SPATA7: variants seen among roughly 807,000 people sequenced by gnomAD.
SPATA7 encodes spermatogenesis associated 7, also known as spermatogenesis-associated protein 7.
A neutral mutation model predicts 51.8 loss-of-function variants in SPATA7; 43 were observed. The observed-to-expected ratio is 0.83, with a 90% confidence interval of 0.65 to 1.07. The LOEUF (loss-of-function observed/expected upper bound fraction) is 1.07, where lower values mean the gene tolerates loss of function less well. Among genes scored for constraint, SPATA7 ranks in the 50% least tolerant of loss-of-function variants. The probability of loss-of-function intolerance (pLI) is 0.00; values close to 1 mark genes in which losing one functional copy is unlikely to be tolerated. For missense variants in SPATA7, 683 were observed against 701.3 expected (o/e 0.97, Z 0.30); for synonymous variants, 230 against 252.8 (o/e 0.91, Z 0.86).
chr14:88,456,849 C>T (rs528642172), downstream of SPATA7, among the ~76,000 whole-genome samples: 165 of 152,084 alleles, frequency 1.1e-3, no homozygotes, highest in Middle Eastern at 6.8e-3. Flanking sequence ...AGGGTTTTTA[C>T]GGTTTTAGGT....
At chr14:88,405,240 G>A (rs747553612) in intron 4 of SPATA7, among the ~76,000 whole-genome samples, 1 of 152,200 alleles carries the variant, frequency 6.6e-6, no homozygotes, top group Non-Finnish European at 1.5e-5. Flanking sequence ...AGTAATAGAT[G>A]AAGTCACTGA....
chr14:88,395,168 A>G (rs1043096577), intron 3 of SPATA7, among the ~76,000 whole-genome samples: 1 of 152,056 alleles, frequency 6.6e-6, no homozygotes, highest in African/African-American at 2.4e-5. Context: ...CTGCTCTTCC[A>G]CTAATGTTAA....
At chr14:88,449,744 A>G (rs2077238574) in intron 3 of SPATA7, among the ~76,000 whole-genome samples, 1 of 151,982 alleles carries the variant, frequency 6.6e-6, no homozygotes, top group South Asian at 2.1e-4. Context: ...ATTGTTTTGT[A>G]AATTTGGGAG....
At chr14:88,431,367 C>T in intron 9 of SPATA7, 142 bp downstream of exon 9, 2 of 803,860 alleles carry the variant, frequency 2.5e-6, no homozygotes, top group Non-Finnish European at 4.3e-6. Flanking sequence ...TCATGGAGTA[C>T]CTAGTGATAT....
Position 88,426,699 on chromosome 14 carries a change from A to G in SPATA7, c.840A>G (p.Glu280=). The change falls in exon 6 of 12, where the codon GAA becomes GAG. Residue 280 remains glutamate, a synonymous_variant. Coordinates refer to ENST00000393545, the MANE Select transcript of SPATA7 (RefSeq NM_018418.5). Reference sequence around the variant, plus strand: ...GGATAGAAGCTGAAACCCAGACTGAATTAAGGTATGACACATCAGCAACCA... The same window carrying G: ...GGATAGAAGCTGAAACCCAGACTGAGTTAAGGTATGACACATCAGCAACCA... ...DQRIEAETQT[E]LSFKSELGTA... 6.2e-7 allele frequency: 1 copy of G among 1,611,360 alleles called. No individual in the cohort carries two copies. Among genetic ancestry groups the G allele is most frequent in the Non-Finnish European group, 8.5e-7 (1 of 1,179,224 alleles).
chr14:88,470,310 G>C, exon 5 of SPATA7: 2 of 461,662 alleles, frequency 4.3e-6, no homozygotes, highest in Non-Finnish European at 7.8e-6. Context: ...CTTGCTGAAT[G>C]TCAGTTCTCA....
At position 88,426,674 on chromosome 14, in the gene SPATA7, G is replaced by T; in HGVS notation, c.815G>T (p.Arg272Leu). 1 of 1,613,280 alleles carries T rather than the reference G, an allele frequency of 6.2e-7. No homozygotes were observed. Among genetic ancestry groups the T allele is most frequent in the East Asian group, 2.2e-5 (1 of 44,866 alleles). The change falls in exon 6 of 12, where the codon CGG becomes CTG. Residue 272 changes from arginine to leucine, a missense_variant. Arg to Leu is a moderately radical substitution (Grantham distance 102). Coordinates refer to ENST00000393545, the MANE Select transcript of SPATA7 (RefSeq NM_018418.5). ...AKRKKDFTDQ[R>L]IEAETQTELS... ...AGAAAAAAGGATTTTACAGATCAAC[G>T]GATAGAAGCTGAAACCCAGACTGAA...
At chr14:88,468,079 C>T (rs2077392813) in intron 4 of SPATA7, 3 of 1,564,876 alleles carry the variant, frequency 1.9e-6, no homozygotes, top group South Asian at 2.3e-5. Flanking sequence ...TAGGCAAGCG[C>T]TTTTTTTTTA....
At chr14:88,463,569 T>G (rs1347982145) in intron 4 of SPATA7, among the ~76,000 whole-genome samples, 2 of 152,160 alleles carry the variant, frequency 1.3e-5, no homozygotes, top group Non-Finnish European at 2.9e-5. Flanking sequence ...GTACCACTGC[T>G]TACCTTTCAG....
intron 3 of SPATA7, among the ~76,000 whole-genome samples, chr14:88,453,347 T>C (rs1020924302): frequency 6.6e-6 from 1 of 152,216 alleles, no homozygotes; most frequent in Non-Finnish European, 1.5e-5. Flanking sequence ...TACATGAAAA[T>C]GTGTTTGCTC....
At position 88,469,836 on chromosome 14, in the gene SPATA7, T is replaced by C; in HGVS notation, c.255-11T>C. The C allele has an allele frequency of 1.2e-6, 2 of 1,606,002 alleles. No homozygotes were observed. Among genetic ancestry groups the C allele is most frequent in the Non-Finnish European group, 1.7e-6 (2 of 1,172,840 alleles). On this transcript the variant is annotated splice_polypyrimidine_tract_variant and intron_variant, in intron 4 of 4. Coordinates refer to the SPATA7 transcript ENST00000556406. This position sits in a 1 kb window ranked among gnomAD's most constrained non-coding sequence, Gnocchi z 4.3. ...CAGAACCACAACCCTACCCTGCCTT[T>C]TTCTCCACAGGTCAGGATTCCAGAT...
intron 4 of SPATA7, among the ~76,000 whole-genome samples, chr14:88,411,851 G>T (rs58221661): frequency 0.039 from 5,972 of 151,698 alleles, 385 homozygotes; most frequent in African/African-American, 0.14. Flanking sequence ...ATGATTTTTT[G>T]GGGGGGGTTT....
At chr14:88,391,682 C>T in intron 2 of SPATA7, 2 of 595,966 alleles carry the variant, frequency 3.4e-6, no homozygotes, top group East Asian at 3.5e-5. Context: ...TCTCCTGCTC[C>T]CAGCTGCTAC....
intron 4 of SPATA7, among the ~76,000 whole-genome samples, chr14:88,402,049 C>T (rs2139906749): frequency 6.6e-6 from 1 of 152,076 alleles, no homozygotes; most frequent in South Asian, 2.1e-4. Context: ...CCATTTGCAA[C>T]AGCAACAGAA....
rs138193376 is a variant in SPATA7, at chr14:88,405,921, C to T, written c.238+9718C>T. ...GTAGATTTAGCTAGTGCTTATTTATCCATGGTATTTTCTGCTTTTAGTCAA... is the reference window on the plus strand; with the variant it reads ...GTAGATTTAGCTAGTGCTTATTTATTCATGGTATTTTCTGCTTTTAGTCAA... On this transcript the variant is annotated intron_variant, in intron 4 of 11. Coordinates refer to ENST00000393545, the MANE Select transcript of SPATA7 (RefSeq NM_018418.5). Among the ~76,000 whole-genome samples, 196 of 152,272 alleles carry T rather than the reference C, an allele frequency of 1.3e-3. 2 individuals carry two copies. The highest frequency in any genetic ancestry group is 2.1e-3 in the Non-Finnish European group (143 of 68,012).
chr14:88,455,814 T>C (rs181050880), downstream of SPATA7, among the ~76,000 whole-genome samples: 136 of 152,188 alleles, frequency 8.9e-4, 1 homozygote, highest in African/African-American at 2.7e-3. Flanking sequence ...GCCGTGTTGG[T>C]GTGCTGCACC....
At chr14:88,406,868 C>G (rs1566760959) in intron 4 of SPATA7, 1 of 152,062 alleles carries the variant, frequency 6.6e-6, no homozygotes, top group Non-Finnish European at 1.5e-5. Flanking sequence ...GTTTGGTTTT[C>G]TGTTCCTGTG....
Position 88,426,632 on chromosome 14 carries a change from A to G in SPATA7, c.773A>G (p.Tyr258Cys), listed in dbSNP as rs546453565. 5 of 1,614,126 alleles carry G rather than the reference A, an allele frequency of 3.1e-6. No homozygotes were observed. The East Asian group carries it at 6.7e-5, about 22-fold the overall frequency. ...AAATCTTTCCTGTCACAGTATCGCT[A>G]TTATACACCTGCCAAAAGAAAAAAG... The part of the protein sequence containing the change: ...EAKSFLSQYR[Y>C]YTPAKRKKDF... Residue 258 changes from tyrosine (Y) to cysteine (C), a missense_variant, in exon 6 of 12, where the codon TAT (tyrosine) becomes TGT (cysteine). Coordinates refer to ENST00000393545, the MANE Select transcript of SPATA7 (RefSeq NM_018418.5).
chr14:88,454,053 C>G (rs536379049), intron 3 of SPATA7, among the ~76,000 whole-genome samples: 1 of 152,078 alleles, frequency 6.6e-6, no homozygotes, highest in African/African-American at 2.4e-5. Context: ...AAGTTTCTCC[C>G]GAGAGAAAGA....
Sources: gnomAD v4.1 joint callset for allele counts (sites outside exome capture counted in the v4.1 genomes callset) on GRCh38, gnomAD v4.1.1 for gene constraint, Gnocchi (gnomAD v3.1) non-coding constraint, MANE v1.5 for transcripts, NCBI Gene and HGNC (gene_info 2026-07-23, HGNC 2026-07-21) for gene names.